ALDH1L1: variants seen among roughly 807,000 people sequenced by gnomAD.
The protein encoded by ALDH1L1 is cytosolic 10-formyltetrahydrofolate dehydrogenase.
Under a neutral mutation model 101.1 loss-of-function variants are expected in ALDH1L1, and 68 were observed. That is an observed-to-expected ratio of 0.67 (90% CI 0.55 to 0.82). The LOEUF (loss-of-function observed/expected upper bound fraction) is 0.82. Ranked by LOEUF, ALDH1L1 falls within the 40% of genes least tolerant of loss-of-function variation. The probability of loss-of-function intolerance (pLI) is 0.00; values close to 1 mark genes in which losing one functional copy is unlikely to be tolerated. For missense variants in ALDH1L1, 1,087 were observed against 1,172.7 expected (o/e 0.93, Z 1.07); for synonymous variants, 486 against 470.8 (o/e 1.03, Z -0.42).
rs545649043 is a variant in ALDH1L1, at chr3:126,136,853, G to C, written c.1255C>G (p.Arg419Gly). The C allele has an allele frequency of 6.2e-7, 1 of 1,612,654 alleles. No individual in the cohort carries two copies. The highest frequency in any genetic ancestry group is 8.5e-7 in the Non-Finnish European group (1 of 1,179,574). The change falls in exon 11 of 23, where the codon CGC becomes GGC. Residue 419 changes from arginine to glycine, a missense_variant. Arg to Gly is a moderately radical substitution (Grantham distance 125). Transcript: ENST00000393434. ...CCAATGAAGAGCTGGTGGGGCATGC[G>C]GACAGTGCGCTTGTTCACTGCCATT... ...VEMAVNKRTV[R>G]MPHQLFIGGE...
At chr3:126,194,895 G>A (rs1279669256) in intron 1 of ALDH1L1, among the ~76,000 whole-genome samples, 1 of 151,560 alleles carries the variant, frequency 6.6e-6, no homozygotes, top group Admixed American at 6.6e-5. Context: ...TTTACTTTTG[G>A]TGCATAAATT....
At chr3:126,130,548 G>C (rs1214793443) in intron 13 of ALDH1L1, among the ~76,000 whole-genome samples, 1 of 152,252 alleles carries the variant, frequency 6.6e-6, no homozygotes. Flanking sequence ...ATTCGAGCAA[G>C]AAAGGGTGAG....
At chr3:126,135,474 C>A in intron 12 of ALDH1L1, 61 bp downstream of exon 12, 1 of 1,571,240 alleles carries the variant, frequency 6.4e-7, no homozygotes, top group Non-Finnish European at 8.6e-7. Context: ...GAAGTCCCCC[C>A]CGTGCCACTG....
intron 12 of ALDH1L1, among the ~76,000 whole-genome samples, chr3:126,132,195 T>C (rs931277540): frequency 1.3e-5 from 2 of 151,838 alleles, no homozygotes; most frequent in African/African-American, 2.4e-5. Flanking sequence ...AGGGGGAGGG[T>C]GGACAGGGAA....
chr3:126,176,118 A>G (rs2081361255), intron 1 of ALDH1L1, among the ~76,000 whole-genome samples: 1 of 152,218 alleles, frequency 6.6e-6, no homozygotes, highest in Non-Finnish European at 1.5e-5. Context: ...TGAATTATTT[A>G]TACATAAACC....
intron 4 of ALDH1L1, chr3:126,156,857 A>G (rs1241274225): frequency 1.3e-5 from 2 of 152,952 alleles, no homozygotes; most frequent in Non-Finnish European, 2.9e-5. Flanking sequence ...TCTAGGAGAA[A>G]AAGTGTTTCT....
intron 14 of ALDH1L1, among the ~76,000 whole-genome samples, chr3:126,126,744 CT>C (rs1226344716): frequency 1.3e-5 from 2 of 152,244 alleles, no homozygotes; most frequent in Non-Finnish European, 2.9e-5. Context: ...TGTGCCCCCA[CT>C]CCCCAATTCG....
chr3:126,194,375 C>T (rs772778931), intron 1 of ALDH1L1, among the ~76,000 whole-genome samples: 4 of 152,158 alleles, frequency 2.6e-5, no homozygotes, highest in Non-Finnish European at 4.4e-5. Context: ...CTCTCTGTAG[C>T]ATCCCAAAGT....
At position 126,124,378 on chromosome 3, in the gene ALDH1L1, A is replaced by T. The variant is rs2080137892; in HGVS notation, c.1874T>A (p.Val625Asp). The T allele has an allele frequency of 1.2e-6, 2 of 1,611,070 alleles. No homozygotes were observed. The highest frequency in any genetic ancestry group is 1.7e-5 in the Admixed American group (1 of 59,556). The change falls in exon 16 of 23, where the codon GTC becomes GAC. Residue 625 changes from valine (V) to aspartate (D), a missense_variant. Val to Asp is a radical substitution (Grantham distance 152, BLOSUM62 -3). Transcript: ENST00000393434. ...KAGIPKGVVN[V>D]LPGSGSLVGQ... Reference sequence around the variant, plus strand: ...ATGGCTCTTACCAGATCCTGGGAGGACGTTAACCACACCTTTGGGAATGCC... The same window carrying T: ...ATGGCTCTTACCAGATCCTGGGAGGTCGTTAACCACACCTTTGGGAATGCC...
At chr3:126,106,020 A>C in intron 21 of ALDH1L1, 95 bp from the exon 22 acceptor site, 1 of 1,272,496 alleles carries the variant, frequency 7.9e-7, no homozygotes, top group Non-Finnish European at 1.1e-6. Context: ...CCAGCTGCAT[A>C]AGACCTTCCG....
intron 1 of ALDH1L1, among the ~76,000 whole-genome samples, chr3:126,175,127 A>G (rs2081347360): frequency 6.6e-6 from 1 of 152,182 alleles, no homozygotes; most frequent in African/African-American, 2.4e-5. Context: ...CTCTATATCA[A>G]CAAATTTGGT....
chr3:126,175,657 T>C (rs533126197), intron 1 of ALDH1L1, among the ~76,000 whole-genome samples: 2 of 152,252 alleles, frequency 1.3e-5, no homozygotes, highest in East Asian at 3.9e-4. Context: ...TCATTTATGA[T>C]AAGAGCTTTC....
chr3:126,155,770 T>C (rs1187430353), intron 4 of ALDH1L1: 2 of 349,842 alleles, frequency 5.7e-6, no homozygotes, highest in African/African-American at 2.1e-5. Context: ...GATGATTATA[T>C]AAACTGTAAA....
In ALDH1L1 at chr3:126,180,474, A is replaced by G. The variant is rs2081455231; in HGVS notation, c.-24+2T>C. 2.0e-6 allele frequency: 2 copies of G among 993,988 alleles called. No homozygotes were observed. The highest frequency in any genetic ancestry group is 2.4e-6 in the Non-Finnish European group (2 of 834,976). The allele number at this position is 993,988 out of a possible 1,614,324, so 61.6% of individuals were successfully genotyped here. ...AGCGCTCTCGAGAGCCCAGAAACTC[A>G]CCGCGCGCAGGAGTTGGTGCGGGCG... On this transcript the variant is annotated splice_donor_variant, in intron 1 of 22. Coordinates refer to ENST00000393434, the MANE Select transcript of ALDH1L1 (RefSeq NM_012190.4). LOFTEE classifies it low-confidence loss of function (5UTR_SPLICE).
chr3:126,126,596 AC>A (rs1488856718), intron 14 of ALDH1L1, among the ~76,000 whole-genome samples: 5 of 152,000 alleles, frequency 3.3e-5, no homozygotes, highest in Non-Finnish European at 5.9e-5. Context: ...CCCCACACAC[AC>A]CCAGGAGATT....
At chr3:126,186,806 T>G (rs2081521503) in intron 1 of ALDH1L1, among the ~76,000 whole-genome samples, 1 of 152,138 alleles carries the variant, frequency 6.6e-6, no homozygotes, top group Non-Finnish European at 1.5e-5. Context: ...CACTGTCCAG[T>G]CAGTGGAGAG....
At chr3:126,136,559 C>A (rs2080449727) in intron 11 of ALDH1L1, among the ~76,000 whole-genome samples, 1 of 152,050 alleles carries the variant, frequency 6.6e-6, no homozygotes, top group Non-Finnish European at 1.5e-5. Flanking sequence ...AGCCCTCCTG[C>A]CACCTGCCAC....
chr3:126,137,814 T>C lies in ALDH1L1; in HGVS notation c.1223A>G (p.Tyr408Cys), dbSNP rs765539528. 5 of 1,613,644 alleles carry C rather than the reference T, an allele frequency of 3.1e-6. No homozygotes were observed. The highest frequency in any genetic ancestry group is 3.3e-5 in the Admixed American group (2 of 59,986). Residue 408 changes from tyrosine to cysteine, a missense_variant and splice_region_variant, in exon 10 of 23, where the codon TAC becomes TGC. Coordinates refer to ENST00000393434, the MANE Select transcript of ALDH1L1 (RefSeq NM_012190.4). Reference protein sequence around the residue: ...DDEEGECSIDYVEMAVNKRTV... With the variant: ...DDEEGECSIDCVEMAVNKRTV... ...CTGCAGGGAGGGCCCAGCACTCACG[T>C]AGTCAATGCTGCACTCGCCCTCCTC...
At chr3:126,127,939 G>A (rs2080221734) in intron 14 of ALDH1L1, among the ~76,000 whole-genome samples, 1 of 152,028 alleles carries the variant, frequency 6.6e-6, no homozygotes, top group Non-Finnish European at 1.5e-5. Context: ...GCTGGGAGCA[G>A]AGGTCTGGCG....
Sources: allele counts gnomAD v4.1 joint callset (sites outside exome capture counted in the v4.1 genomes callset), GRCh38; gene constraint gnomAD v4.1.1; transcripts MANE v1.5; gene names NCBI Gene and HGNC (gene_info 2026-07-23, HGNC 2026-07-21).